The following GABRB1 variants were observed in gnomAD, a reference collection of about 807,000 sequenced individuals.
The protein encoded by GABRB1 is gamma-aminobutyric acid receptor subunit beta-1.
GABRB1 carries 17 observed loss-of-function variants against 51.6 expected under a neutral mutation model. That is an observed-to-expected ratio of 0.33 (90% CI 0.23 to 0.49). The LOEUF (loss-of-function observed/expected upper bound fraction) is 0.49. Among genes scored for constraint, GABRB1 ranks in the 20% least tolerant of loss-of-function variants. GABRB1 has a pLI of 0.99. For missense variants in GABRB1, 410 were observed against 600.6 expected (o/e 0.68, Z 3.32); for synonymous variants, 247 against 218.9 (o/e 1.13, Z -1.14).
chr4:47,203,520 A>C (rs1719977935), intron 4 of GABRB1, among the ~76,000 whole-genome samples: 1 of 152,122 alleles, frequency 6.6e-6, no homozygotes, highest in African/African-American at 2.4e-5. Context: ...TAGTAGGATG[A>C]GTAGGAATTT....
chr4:47,339,699 C>T (rs1479141910), intron 5 of GABRB1, among the ~76,000 whole-genome samples: 2 of 152,046 alleles, frequency 1.3e-5, no homozygotes, highest in Admixed American at 6.6e-5. Context: ...CAAATACATA[C>T]AGTTAGAAAG....
chr4:47,159,182 C>A (rs1037559018), intron 3 of GABRB1, among the ~76,000 whole-genome samples: 3 of 151,712 alleles, frequency 2.0e-5, no homozygotes, highest in African/African-American at 7.3e-5. Flanking sequence ...ACTTGAAAGG[C>A]TGAAAGATAG....
intron 4 of GABRB1, among the ~76,000 whole-genome samples, chr4:47,236,468 CATT>C (rs1345230421): frequency 1.3e-5 from 2 of 152,038 alleles, no homozygotes; most frequent in African/African-American, 4.8e-5. Context: ...ACAAAGTTAA[CATT>C]TATTTAGTAA....
In GABRB1 at chr4:47,260,887, G is replaced by A. The variant is rs919617952; in HGVS notation, c.462-59240G>A. On this transcript the variant is annotated intron_variant, in intron 4 of 8. Coordinates refer to ENST00000295454, the MANE Select transcript of GABRB1 (RefSeq NM_000812.4). ...GGCTTCATCCCTGGGATGCAAGACT[G>A]GTTCAATATATGCAAATCAATAAAT... Among the ~76,000 whole-genome samples, 20 of 152,212 alleles carry A rather than the reference G, an allele frequency of 1.3e-4. No homozygotes were observed. In the East Asian group the frequency reaches 3.3e-3, roughly 25 times the overall value.
chr4:47,407,841 G>A lies in GABRB1; in HGVS notation c.1080+915G>A, dbSNP rs180881928. Among the ~76,000 whole-genome samples the A allele has an allele frequency of 5.3e-5, 8 of 152,310 alleles. No individual in the cohort carries two copies. The East Asian group carries it at 7.7e-4, about 15-fold the overall frequency. On this transcript the variant is annotated intron_variant, in intron 8 of 8. Coordinates refer to ENST00000295454, the MANE Select transcript of GABRB1 (RefSeq NM_000812.4). ...GAAAGTAAAACAGTGACTCATGTCCGTAATCCCAGCACTTTGGGAGGCTGA... is the reference window on the plus strand; with the variant it reads ...GAAAGTAAAACAGTGACTCATGTCCATAATCCCAGCACTTTGGGAGGCTGA...
chr4:47,358,114 TG>T (rs1368161243), intron 5 of GABRB1, among the ~76,000 whole-genome samples: 1 of 152,052 alleles, frequency 6.6e-6, no homozygotes, highest in Admixed American at 6.6e-5. Flanking sequence ...TCCTAGAAAA[TG>T]GCAGAGCTAA....
At chr4:47,142,855 T>G (rs1716991882) in intron 3 of GABRB1, among the ~76,000 whole-genome samples, 1 of 151,870 alleles carries the variant, frequency 6.6e-6, no homozygotes, top group Non-Finnish European at 1.5e-5. Flanking sequence ...AATTGCCACT[T>G]GAATCAGTGA....
chr4:47,013,321 G>A (rs956775975), intron 1 of GABRB1, among the ~76,000 whole-genome samples: 5 of 151,984 alleles, frequency 3.3e-5, no homozygotes, highest in African/African-American at 4.8e-5. Flanking sequence ...CACCATGCCC[G>A]GATAATTTTT....
chr4:47,146,118 C>T (rs966407473), intron 3 of GABRB1, among the ~76,000 whole-genome samples: 7 of 151,932 alleles, frequency 4.6e-5, no homozygotes, highest in Non-Finnish European at 7.4e-5. Context: ...GCGGTCACAC[C>T]GTTGCTGAAC....
In GABRB1 at chr4:47,390,601, C is replaced by A. The variant is rs192354501; in HGVS notation, c.545-12717C>A. On this transcript the variant is annotated intron_variant, in intron 5 of 8. Coordinates refer to ENST00000295454, the MANE Select transcript of GABRB1 (RefSeq NM_000812.4). ...TTCACCACTAAGAAATCCCCAGGGG[C>A]TGAAAGGAAATTTCAAGAGTTCCTG... 3.3e-3 allele frequency among the ~76,000 whole-genome samples: 503 copies of A among 152,282 alleles called. 6 individuals carry two copies. Among genetic ancestry groups the A allele is most frequent in the African/African-American group, 0.011 (449 of 41,556 alleles).
At chr4:47,203,258 A>G (rs1427676578) in intron 4 of GABRB1, among the ~76,000 whole-genome samples, 1 of 152,186 alleles carries the variant, frequency 6.6e-6, no homozygotes, top group Non-Finnish European at 1.5e-5. Context: ...ATAAATGTCC[A>G]TCTGTTGCCC....
At chr4:47,302,445 G>T (rs1724296168) in intron 4 of GABRB1, among the ~76,000 whole-genome samples, 1 of 151,800 alleles carries the variant, frequency 6.6e-6, no homozygotes, top group African/African-American at 2.4e-5. Flanking sequence ...TTTACTGTAA[G>T]ACTACTAATA....
chr4:47,164,150 C>T (rs535948969), intron 4 of GABRB1, among the ~76,000 whole-genome samples: 20 of 152,090 alleles, frequency 1.3e-4, no homozygotes, highest in South Asian at 1.0e-3. Context: ...TACCTCCCAC[C>T]GGGCCCTCCC....
At chr4:47,088,423 G>A (rs752475194) in intron 3 of GABRB1, among the ~76,000 whole-genome samples, 17 of 152,228 alleles carry the variant, frequency 1.1e-4, no homozygotes, top group Non-Finnish European at 2.2e-4. Flanking sequence ...CCTGAAGAAT[G>A]AGAAAGCTAG....
At chr4:47,006,624 T>A (rs1724408208) in intron 1 of GABRB1, among the ~76,000 whole-genome samples, 1 of 152,254 alleles carries the variant, frequency 6.6e-6, no homozygotes, top group South Asian at 2.1e-4. Context: ...GAATAAAAAA[T>A]CATTATATCT....
At chr4:47,088,264 T>C (rs541694668) in intron 3 of GABRB1, among the ~76,000 whole-genome samples, 1 of 152,314 alleles carries the variant, frequency 6.6e-6, no homozygotes, top group African/African-American at 2.4e-5. Context: ...GAATCACACA[T>C]AATCCCTGCC....
At chr4:47,267,273 T>C (rs1182826072) in intron 4 of GABRB1, among the ~76,000 whole-genome samples, 2 of 151,850 alleles carry the variant, frequency 1.3e-5, no homozygotes, top group Non-Finnish European at 2.9e-5. Flanking sequence ...AAAACACAAA[T>C]GGTATGTTGT....
chr4:47,325,842 T>C (rs1452861610), intron 5 of GABRB1, among the ~76,000 whole-genome samples: 1 of 152,208 alleles, frequency 6.6e-6, no homozygotes, highest in Admixed American at 6.5e-5. Context: ...ATTGCTATTG[T>C]CTGAAAGTTT....
intron 3 of GABRB1, among the ~76,000 whole-genome samples, chr4:47,105,359 T>C (rs1714917125): frequency 6.6e-6 from 1 of 152,066 alleles, no homozygotes; most frequent in East Asian, 1.9e-4. Context: ...AGCAAGAGAT[T>C]GCCATCACAT....
Sources: allele counts gnomAD v4.1 joint callset (sites outside exome capture counted in the v4.1 genomes callset), GRCh38; gene constraint gnomAD v4.1.1; transcripts MANE v1.5; gene names NCBI Gene and HGNC (gene_info 2026-07-23, HGNC 2026-07-21).